The following ROBO1 variants were observed in gnomAD, a reference collection of about 807,000 sequenced individuals.
The protein encoded by ROBO1 is roundabout guidance receptor 1, also known as roundabout homolog 1.
In ROBO1, 149 loss-of-function variants were observed where a neutral mutation model predicts 195.9. That is an observed-to-expected ratio of 0.76 (90% CI 0.67 to 0.87). The LOEUF (loss-of-function observed/expected upper bound fraction) is 0.87, where lower values mean the gene tolerates loss of function less well. Among genes scored for constraint, ROBO1 ranks in the 40% least tolerant of loss-of-function variants. ROBO1 has a pLI of 0.00. For missense variants in ROBO1, 1,933 were observed against 2,068.3 expected (o/e 0.93, Z 1.27); for synonymous variants, 816 against 733.2 (o/e 1.11, Z -1.82).
chr3:78,812,588 A>T (rs2084775867), intron 4 of ROBO1, among the ~76,000 whole-genome samples: 1 of 151,980 alleles, frequency 6.6e-6, no homozygotes, highest in Non-Finnish European at 1.5e-5. Context: ...TTCCTGCTCT[A>T]TTTTGCTTCT....
chr3:79,161,242 G>T (rs1225230955), intron 2 of ROBO1, among the ~76,000 whole-genome samples: 1 of 152,058 alleles, frequency 6.6e-6, no homozygotes, highest in African/African-American at 2.4e-5. Flanking sequence ...ATGTAGGAAG[G>T]ATCCCACTCT....
At chr3:79,005,090 A>AT (rs2077590540) in intron 3 of ROBO1, among the ~76,000 whole-genome samples, 2 of 152,186 alleles carry the variant, frequency 1.3e-5, no homozygotes, top group Admixed American at 1.3e-4. Flanking sequence ...TTGGCAAGCT[A>AT]TTTTGTCAAG....
intron 8 of ROBO1, among the ~76,000 whole-genome samples, chr3:78,700,490 G>A (rs2081395015): frequency 6.6e-6 from 1 of 152,046 alleles, no homozygotes; most frequent in African/African-American, 2.4e-5. Context: ...AAACAACTTT[G>A]GATCAAGATC....
At chr3:78,813,378 T>A (rs1208340902) in intron 4 of ROBO1, among the ~76,000 whole-genome samples, 1 of 152,122 alleles carries the variant, frequency 6.6e-6, no homozygotes, top group Non-Finnish European at 1.5e-5. Context: ...TGAAAATCAT[T>A]TCTTGGTTTT....
At chr3:79,680,443 G>A (rs953765679) in intron 1 of ROBO1, among the ~76,000 whole-genome samples, 3 of 152,042 alleles carry the variant, frequency 2.0e-5, no homozygotes, top group Admixed American at 6.6e-5. Context: ...TATCATCTGA[G>A]TGAAGAAGTG....
At chr3:78,619,997 G>T (rs543465200) in intron 26 of ROBO1, among the ~76,000 whole-genome samples, 1 of 143,152 alleles carries the variant, frequency 7.0e-6, no homozygotes, top group South Asian at 2.2e-4. Context: ...TAGCCTGGGT[G>T]ACAGAGTGAG....
intron 5 of ROBO1, among the ~76,000 whole-genome samples, chr3:78,745,877 G>C (rs2082644971): frequency 1.3e-5 from 2 of 152,158 alleles, no homozygotes; most frequent in South Asian, 4.1e-4. Flanking sequence ...CTACTAATTA[G>C]GTTGTGCGGT....
chr3:79,581,866 C>G lies in ROBO1; in HGVS notation c.88+7958G>C, dbSNP rs956954627. On this transcript the variant is annotated intron_variant, in intron 2 of 30. Transcript: ENST00000464233. Reference sequence around the variant, plus strand: ...AAGCAATATATTTACATTGAAAGAACAAATCATATATATACAACAAATATG... The same window carrying G: ...AAGCAATATATTTACATTGAAAGAAGAAATCATATATATACAACAAATATG... Among the ~76,000 whole-genome samples the G allele has an allele frequency of 1.3e-5, 2 of 151,894 alleles. 1 individual carries two copies. Among genetic ancestry groups the G allele is most frequent in the East Asian group, 3.9e-4 (2 of 5,182 alleles).
intron 2 of ROBO1, among the ~76,000 whole-genome samples, chr3:79,541,609 A>G (rs1480264208): frequency 1.3e-5 from 2 of 152,026 alleles, no homozygotes; most frequent in South Asian, 4.1e-4. Context: ...AAACTCCACC[A>G]TAATATTTTG....
chr3:78,881,895 T>G (rs9831603), intron 4 of ROBO1, among the ~76,000 whole-genome samples: 7,350 of 152,184 alleles, frequency 0.048, 552 homozygotes, highest in African/African-American at 0.16. Flanking sequence ...CCTTAATAGA[T>G]CAAATGGAAA....
intron 2 of ROBO1, among the ~76,000 whole-genome samples, chr3:79,557,599 T>A (rs182003448): frequency 2.0e-5 from 3 of 151,538 alleles, no homozygotes; most frequent in Non-Finnish European, 4.4e-5. Flanking sequence ...CCAGGTTTGG[T>A]AGTAAACGCC....
At chr3:78,821,140 T>C (rs188548026) in intron 4 of ROBO1, among the ~76,000 whole-genome samples, 119 of 151,812 alleles carry the variant, frequency 7.8e-4, no homozygotes, top group Middle Eastern at 3.4e-3. Flanking sequence ...TAAGTGCTTA[T>C]ATGTGCATTT....
intron 1 of ROBO1, among the ~76,000 whole-genome samples, chr3:79,713,881 T>A (rs1702374457): frequency 6.6e-6 from 1 of 152,138 alleles, no homozygotes; most frequent in Non-Finnish European, 1.5e-5. Context: ...TTTTGTCAGG[T>A]TTGTCAGAGA....
intron 4 of ROBO1, among the ~76,000 whole-genome samples, chr3:78,878,870 T>G (rs1446618761): frequency 6.6e-6 from 1 of 152,142 alleles, no homozygotes; most frequent in Non-Finnish European, 1.5e-5. Context: ...TACTTCCCTA[T>G]ATAGTTAGCA....
chr3:79,350,272 C>T (rs551112771), intron 2 of ROBO1, among the ~76,000 whole-genome samples: 35 of 152,240 alleles, frequency 2.3e-4, no homozygotes, highest in African/African-American at 7.9e-4. Context: ...ACTAGGATGG[C>T]TGTAATAAAA....
At chr3:78,774,004 T>A (rs566004187) in intron 4 of ROBO1, among the ~76,000 whole-genome samples, 56 of 152,332 alleles carry the variant, frequency 3.7e-4, no homozygotes, top group African/African-American at 1.3e-3. Context: ...TCTAATTTAA[T>A]CCATGAAACA....
chr3:79,694,212 C>A (rs988777242), intron 1 of ROBO1, among the ~76,000 whole-genome samples: 1 of 151,804 alleles, frequency 6.6e-6, no homozygotes, highest in Non-Finnish European at 1.5e-5. Flanking sequence ...AAATGTAATA[C>A]AAATTCCTTA....
chr3:78,706,895 G>A (rs887857037), intron 8 of ROBO1, among the ~76,000 whole-genome samples: 4 of 152,110 alleles, frequency 2.6e-5, no homozygotes, highest in African/African-American at 7.2e-5. Flanking sequence ...TAAAGCTGTC[G>A]ACTGGCTGTG....
Position 79,552,701 on chromosome 3 carries a change from A to G in ROBO1, c.88+37123T>C, listed in dbSNP as rs189576390. ...ACACAATTATTAGCCTGGCATTGGC[A>G]GATAGATGGCAGTTTATATAGGGAA... is the stretch of plus-strand genomic sequence containing the variant. On this transcript the variant is annotated intron_variant, in intron 2 of 30. Transcript: ENST00000464233. 4.6e-5 allele frequency among the ~76,000 whole-genome samples: 7 copies of G among 152,260 alleles called. No individual in the cohort carries two copies. The East Asian group carries it at 1.4e-3, about 29-fold the overall frequency.
Sources: gnomAD v4.1 joint callset for allele counts (sites outside exome capture counted in the v4.1 genomes callset) on GRCh38, gnomAD v4.1.1 for gene constraint, MANE v1.5 for transcripts, NCBI Gene and HGNC (gene_info 2026-07-23, HGNC 2026-07-21) for gene names.